The following LRP1B variants were observed in gnomAD, a reference collection of about 807,000 sequenced individuals.
LRP1B encodes the protein LDL receptor related protein 1B.
LRP1B carries 217 observed loss-of-function variants against 556.6 expected under a neutral mutation model. The ratio of observed to expected loss-of-function variants is 0.39; its 90% CI spans 0.35 to 0.44. LRP1B has a LOEUF of 0.44. Among genes scored for constraint, LRP1B ranks in the 20% least tolerant of loss-of-function variants. The pLI is 1.00. For synonymous variants in LRP1B, 2,047 were observed against 1,865.8 expected (o/e 1.10, Z -2.50); for missense variants, 5,053 against 5,620.8 (o/e 0.90, Z 3.23).
chr2:140,566,870 C>T (rs1407834020), intron 43 of LRP1B, among the ~76,000 whole-genome samples: 1 of 152,128 alleles, frequency 6.6e-6, no homozygotes, highest in African/African-American at 2.4e-5. Flanking sequence ...TGTGGTCACC[C>T]ACAGTGATCA....
intron 7 of LRP1B, among the ~76,000 whole-genome samples, chr2:141,129,573 G>T (rs540158790): frequency 5.3e-4 from 80 of 151,520 alleles, no homozygotes; most frequent in African/African-American, 1.7e-3. Context: ...TAGTGTGTGT[G>T]GGGGGAGGGG....
intron 2 of LRP1B, among the ~76,000 whole-genome samples, chr2:141,604,999 C>T (rs1213279535): frequency 6.6e-6 from 1 of 152,032 alleles, no homozygotes; most frequent in East Asian, 1.9e-4. Context: ...ACAGCCAAGG[C>T]AGGCAGAGTG....
chr2:141,517,021 A>AC (rs1282437844), intron 2 of LRP1B, among the ~76,000 whole-genome samples: 7 of 119,940 alleles, frequency 5.8e-5, no homozygotes, highest in Non-Finnish European at 1.1e-4. Flanking sequence ...AAAAAAAAAA[A>AC]AAAAAAAAAA....
chr2:141,654,154 G>C (rs934832811), intron 2 of LRP1B, among the ~76,000 whole-genome samples: 1 of 152,274 alleles, frequency 6.6e-6, no homozygotes, highest in South Asian at 2.1e-4. Context: ...GCTAGAGTGG[G>C]TCCAGGAAAT....
chr2:142,067,320 T>G (rs1191341948), intron 1 of LRP1B, among the ~76,000 whole-genome samples: 2 of 151,514 alleles, frequency 1.3e-5, no homozygotes, highest in Admixed American at 1.3e-4. Flanking sequence ...GCATTTATTC[T>G]GCCTACCATG....
chr2:140,510,711 A>AT (rs1241984633), intron 51 of LRP1B, among the ~76,000 whole-genome samples: 1 of 152,118 alleles, frequency 6.6e-6, no homozygotes, highest in East Asian at 1.9e-4. Flanking sequence ...TGCACGTTCC[A>AT]TTTTTTTCAT....
At chr2:141,440,271 C>CT (rs1156353259) in intron 3 of LRP1B, among the ~76,000 whole-genome samples, 1 of 152,202 alleles carries the variant, frequency 6.6e-6, no homozygotes, top group Non-Finnish European at 1.5e-5. Context: ...CTTATTGAGA[C>CT]GACTGGCTAT....
chr2:140,927,247 A>G (rs1573888314), intron 20 of LRP1B, among the ~76,000 whole-genome samples: 1 of 152,096 alleles, frequency 6.6e-6, no homozygotes, highest in South Asian at 2.1e-4. Context: ...AGAGATTGCA[A>G]TGAGCCAAGA....
rs540298231 is a variant in LRP1B at position 140,354,085 on chromosome 2, A to T, written c.11531-1013T>A. ...GCCAGGATTGAGGCCAGGTGATTCT[A>T]GGGAATTATCTAATTTTCCTCTCTT... On this transcript the variant is annotated intron_variant, in intron 75 of 90. Coordinates refer to ENST00000389484, the MANE Select transcript of LRP1B (RefSeq NM_018557.3). 1.4e-4 allele frequency among the ~76,000 whole-genome samples: 21 copies of T among 152,172 alleles called. No individual in the cohort carries two copies. In the South Asian group the frequency reaches 4.4e-3, roughly 32 times the overall value.
At chr2:141,093,775 C>T (rs1333172398) in intron 7 of LRP1B, among the ~76,000 whole-genome samples, 2 of 151,790 alleles carry the variant, frequency 1.3e-5, no homozygotes, top group African/African-American at 2.4e-5. Flanking sequence ...AGTGCAGTGA[C>T]GCAATCTCTG....
intron 3 of LRP1B, among the ~76,000 whole-genome samples, chr2:141,293,705 A>G (rs1686071175): frequency 6.6e-6 from 1 of 151,922 alleles, no homozygotes; most frequent in African/African-American, 2.4e-5. Flanking sequence ...ATCCAAACCC[A>G]GAATACATTT....
chr2:140,553,635 T>A (rs1680626609), intron 43 of LRP1B, among the ~76,000 whole-genome samples: 1 of 152,150 alleles, frequency 6.6e-6, no homozygotes, highest in African/African-American at 2.4e-5. Context: ...CAGTTAAGCC[T>A]GAAGCAAGAA....
chr2:140,935,774 T>A (rs536628901), intron 20 of LRP1B, among the ~76,000 whole-genome samples: 2 of 152,152 alleles, frequency 1.3e-5, no homozygotes, highest in Admixed American at 1.3e-4. Context: ...AAGATACTCA[T>A]CACATATGAG....
intron 6 of LRP1B, among the ~76,000 whole-genome samples, chr2:141,193,035 C>T (rs1681588344): frequency 6.6e-6 from 1 of 151,708 alleles, no homozygotes; most frequent in East Asian, 1.9e-4. Context: ...TAATGAATTA[C>T]CAGAATTGGT....
At chr2:141,474,844 GT>G (rs961232318) in intron 3 of LRP1B, among the ~76,000 whole-genome samples, 14 of 152,048 alleles carry the variant, frequency 9.2e-5, no homozygotes, top group Admixed American at 2.6e-4. Context: ...ATATGTCAGA[GT>G]TTTTTTTCTC....
intron 33 of LRP1B, among the ~76,000 whole-genome samples, chr2:140,772,871 G>A (rs1689363892): frequency 6.6e-6 from 1 of 151,992 alleles, no homozygotes; most frequent in African/African-American, 2.4e-5. Context: ...TTTGGGAGGT[G>A]AAGGCAGGCA....
At chr2:141,497,580 C>T (rs752009314) in intron 2 of LRP1B, among the ~76,000 whole-genome samples, 5 of 151,804 alleles carry the variant, frequency 3.3e-5, no homozygotes, top group Non-Finnish European at 7.4e-5. Flanking sequence ...AGAAATCAGG[C>T]GATGATAGAA....
chr2:141,628,301 G>T (rs577478499), intron 2 of LRP1B, among the ~76,000 whole-genome samples: 96 of 152,256 alleles, frequency 6.3e-4, no homozygotes, highest in African/African-American at 2.1e-3. Flanking sequence ...GGTAAACATT[G>T]TATTGGATTC....
intron 35 of LRP1B, among the ~76,000 whole-genome samples, chr2:140,748,091 GAATATATATATATA>G (rs2104883143): frequency 2.6e-5 from 1 of 38,068 alleles, no homozygotes; most frequent in Admixed American, 5.0e-4. Context: ...AAAGTCCTAT[GAATATATATATATA>G]TATATATATA....
Sources: gnomAD v4.1 joint callset for allele counts (sites outside exome capture counted in the v4.1 genomes callset) on GRCh38, gnomAD v4.1.1 for gene constraint, MANE v1.5 for transcripts, NCBI Gene and HGNC (gene_info 2026-07-23, HGNC 2026-07-21) for gene names.